The following YAP1 variants were observed in gnomAD, a reference collection of about 807,000 sequenced individuals.
The protein encoded by YAP1 is transcriptional coactivator YAP1.
Under a neutral mutation model 56.9 loss-of-function variants are expected in YAP1, and 5 were observed. The ratio of observed to expected loss-of-function variants is 0.09; its 90% CI spans 0.05 to 0.18. The LOEUF (loss-of-function observed/expected upper bound fraction) is 0.18, where lower values mean the gene tolerates loss of function less well. Among genes scored for constraint, YAP1 ranks in the 10% least tolerant of loss-of-function variants. The pLI, the probability that YAP1 is intolerant of heterozygous loss-of-function variation, is 1.00. For missense variants in YAP1, 539 were observed against 651.8 expected (o/e 0.83, Z 1.88); for synonymous variants, 265 against 248.1 (o/e 1.07, Z -0.64).
At chr11:102,131,763 G>A (rs1944378463) in intron 2 of YAP1, among the ~76,000 whole-genome samples, 1 of 152,128 alleles carries the variant, frequency 6.6e-6, no homozygotes, top group Admixed American at 6.5e-5. Context: ...TTATTTTTAA[G>A]CTTTAACAGG....
At chr11:102,226,825 C>T (rs1046400429) in intron 7 of YAP1, 1 of 152,092 alleles carries the variant, frequency 6.6e-6, no homozygotes, top group Non-Finnish European at 1.5e-5. Flanking sequence ...GCTTTTTCCT[C>T]CCCCGCCCAA....
chr11:102,148,078 T>C (rs1945423761), intron 2 of YAP1, among the ~76,000 whole-genome samples: 1 of 152,186 alleles, frequency 6.6e-6, no homozygotes, highest in African/African-American at 2.4e-5. Context: ...TTAGAATAAT[T>C]AACACAGAGT....
At chr11:102,140,717 C>T (rs1362070868) in intron 2 of YAP1, among the ~76,000 whole-genome samples, 1 of 152,030 alleles carries the variant, frequency 6.6e-6, no homozygotes, top group African/African-American at 2.4e-5. Context: ...GTTGTGCGCA[C>T]CTGTAATCCT....
At chr11:102,140,932 C>A (rs1013477941) in intron 2 of YAP1, among the ~76,000 whole-genome samples, 5 of 152,090 alleles carry the variant, frequency 3.3e-5, no homozygotes, top group Admixed American at 6.5e-5. Context: ...GTGGCAGTTA[C>A]AACTGAGAGA....
In YAP1 at chr11:102,209,618, A is replaced by G. The variant is rs145759651; in HGVS notation, c.1032+54A>G. 3.2e-4 allele frequency: 462 copies of G among 1,461,534 alleles called. 1 individual carries two copies. The highest frequency in any genetic ancestry group is 1.4e-3 in the Middle Eastern group (7 of 5,162). The allele number at this position is 1,461,534 out of a possible 1,614,324, so 90.5% of individuals were successfully genotyped here. A position where few individuals can be genotyped will look rare whatever the true frequency, so the allele number is the denominator to read the frequency against. On this transcript the variant is annotated intron_variant, in intron 6 of 8. Transcript: ENST00000282441. ...GGAAAAAAAAAAAAAAAGATATTAA[A>G]TTAGGAAAGAGAAACTTACATTCCA...
chr11:102,126,971 G>A (rs914018990), intron 2 of YAP1, among the ~76,000 whole-genome samples: 4 of 152,182 alleles, frequency 2.6e-5, no homozygotes, highest in African/African-American at 9.7e-5. Flanking sequence ...CTAGAGATTT[G>A]TGGAACTTTG....
At chr11:102,223,791 T>A (rs1287106813) in intron 7 of YAP1, 39 bp downstream of exon 7, 7 of 1,611,454 alleles carry the variant, frequency 4.3e-6, no homozygotes, top group Non-Finnish European at 5.9e-6. Flanking sequence ...CTGAAAAGGA[T>A]CATTGCTTTA....
intron 4 of YAP1, chr11:102,186,725 T>A (rs1019737698): frequency 2.0e-5 from 3 of 152,818 alleles, no homozygotes; most frequent in Non-Finnish European, 4.4e-5. Flanking sequence ...ATCTCATGAA[T>A]AAATCACATT....
intron 1 of YAP1, among the ~76,000 whole-genome samples, chr11:102,111,787 G>C (rs1942938261): frequency 6.6e-6 from 1 of 152,002 alleles, no homozygotes; most frequent in Non-Finnish European, 1.5e-5. Flanking sequence ...GGTAGAACCG[G>C]TCCATTTAGT....
chr11:102,223,591 A>T, intron 6 of YAP1, 31 bp from the exon 7 acceptor site: 1 of 1,608,192 alleles, frequency 6.2e-7, no homozygotes, highest in Non-Finnish European at 8.5e-7. Flanking sequence ...TAATCAGTAG[A>T]TTGATTCTCT....
At chr11:102,112,723 C>T (rs1167650384) in intron 1 of YAP1, 2 of 985,244 alleles carry the variant, frequency 2.0e-6, no homozygotes, top group African/African-American at 3.5e-5. Context: ...AGCTGCTTGC[C>T]TAAACACTTC....
chr11:102,128,104 CTT>C (rs1397211430), intron 2 of YAP1, among the ~76,000 whole-genome samples: 1 of 152,072 alleles, frequency 6.6e-6, no homozygotes, highest in East Asian at 1.9e-4. Flanking sequence ...GGACTGTGGA[CTT>C]TTGGGTTAAT....
intron 4 of YAP1, among the ~76,000 whole-genome samples, chr11:102,196,153 A>G (rs1948560828): frequency 6.6e-6 from 1 of 152,174 alleles, no homozygotes; most frequent in African/African-American, 2.4e-5. Flanking sequence ...CATTAACCAT[A>G]ACATTCCCAT....
Position 102,233,350 on chromosome 11 carries a change from T to C in YAP1, c.*3410T>C, listed in dbSNP as rs1299553559. ...ATATGTTAGGTACTTACATAAATTG[T>C]TACATTATTTTTTCTTATGTAATAC... On this transcript the variant is annotated 3_prime_UTR_variant, in exon 9 of 9. Coordinates refer to ENST00000282441, the MANE Select transcript of YAP1 (RefSeq NM_001130145.3). 1 of 152,258 alleles carries C rather than the reference T, an allele frequency of 6.6e-6. No individual in the cohort carries two copies. The highest frequency in any genetic ancestry group is 1.5e-5 in the Non-Finnish European group (1 of 68,040). 9.4% of individuals were successfully genotyped at this position (152,258 alleles called of 1,614,324 possible). A position where few individuals can be genotyped will look rare whatever the true frequency, so the allele number is the denominator to read the frequency against.
chr11:102,154,914 A>G (rs1945854925), intron 2 of YAP1, among the ~76,000 whole-genome samples: 1 of 152,202 alleles, frequency 6.6e-6, no homozygotes, highest in South Asian at 2.1e-4. Context: ...AAGACTGAAC[A>G]GTGTTGACAT....
intron 3 of YAP1, among the ~76,000 whole-genome samples, chr11:102,170,566 T>C (rs1591306273): frequency 6.6e-6 from 1 of 152,356 alleles, no homozygotes; most frequent in East Asian, 1.9e-4. Flanking sequence ...TTGAGTGCTC[T>C]TGACCTGATC....
At chr11:102,132,913 C>A (rs1944452661) in intron 2 of YAP1, among the ~76,000 whole-genome samples, 1 of 152,076 alleles carries the variant, frequency 6.6e-6, no homozygotes, top group South Asian at 2.1e-4. Flanking sequence ...AATCCCAGCG[C>A]TTTGGGAGGC....
chr11:102,222,733 T>C (rs11225170), intron 6 of YAP1, among the ~76,000 whole-genome samples: 49,309 of 151,978 alleles, frequency 0.32, 8,383 homozygotes, highest in Middle Eastern at 0.37. Context: ...ATGGAACATA[T>C]TCTATCCAGC....
At chr11:102,221,701 TGAC>T (rs1471699124) in intron 6 of YAP1, among the ~76,000 whole-genome samples, 1 of 151,118 alleles carries the variant, frequency 6.6e-6, no homozygotes, top group Non-Finnish European at 1.5e-5. Flanking sequence ...CCAGATTGGG[TGAC>T]AGAGTGAGAC....
Sources: gnomAD v4.1 joint callset for allele counts (sites outside exome capture counted in the v4.1 genomes callset) on GRCh38, gnomAD v4.1.1 for gene constraint, MANE v1.5 for transcripts, NCBI Gene and HGNC (gene_info 2026-07-23, HGNC 2026-07-21) for gene names.